The following CA10 variants were observed in gnomAD, a reference collection of about 807,000 sequenced individuals.
The protein encoded by CA10 is carbonic anhydrase-related protein 10.
In CA10, 14 loss-of-function variants were observed where a neutral mutation model predicts 44.2. The ratio of observed to expected loss-of-function variants is 0.32; its 90% CI spans 0.21 to 0.50. The LOEUF is 0.50. CA10 is among the 20% of genes least tolerant of loss of function. CA10 has a pLI of 0.99. For synonymous variants in CA10, 159 were observed against 141.6 expected (o/e 1.12, Z -0.87); for missense variants, 350 against 409.7 (o/e 0.85, Z 1.26).
At chr17:51,891,099 T>C (rs1239845847) in intron 3 of CA10, among the ~76,000 whole-genome samples, 1 of 152,132 alleles carries the variant, frequency 6.6e-6, no homozygotes, top group Non-Finnish European at 1.5e-5. Context: ...TGATTATCAG[T>C]GGTATTTAAA....
chr17:51,701,781 C>G (rs1221703040), intron 4 of CA10, among the ~76,000 whole-genome samples: 1 of 152,218 alleles, frequency 6.6e-6, no homozygotes. Context: ...ATCAAACTTT[C>G]TAGCTTGCAT....
intron 6 of CA10, among the ~76,000 whole-genome samples, chr17:51,643,717 A>G (rs921079956): frequency 6.6e-6 from 1 of 152,110 alleles, no homozygotes; most frequent in Non-Finnish European, 1.5e-5. Flanking sequence ...CTTCAACATA[A>G]TTTTTATTTG....
intron 4 of CA10, among the ~76,000 whole-genome samples, chr17:51,661,265 C>G (rs1206802676): frequency 6.6e-6 from 1 of 152,176 alleles, no homozygotes; most frequent in Non-Finnish European, 1.5e-5. Flanking sequence ...GCAATGCAGG[C>G]TGTCTATTGT....
chr17:51,699,268 A>G (rs1171606330), intron 4 of CA10, among the ~76,000 whole-genome samples: 1 of 151,778 alleles, frequency 6.6e-6, no homozygotes, highest in Non-Finnish European at 1.5e-5. Context: ...CCTTGCAGTG[A>G]GCCGAGATCA....
intron 2 of CA10, among the ~76,000 whole-genome samples, chr17:52,022,899 C>A (rs1986188531): frequency 6.6e-6 from 1 of 151,920 alleles, no homozygotes; most frequent in African/African-American, 2.4e-5. Flanking sequence ...TACATCTAGC[C>A]AAGGGGGTGA....
At chr17:51,656,698 C>A (rs1017346068) in intron 4 of CA10, among the ~76,000 whole-genome samples, 3 of 152,222 alleles carry the variant, frequency 2.0e-5, no homozygotes, top group African/African-American at 7.2e-5. Flanking sequence ...GCAGCCACAG[C>A]ATCTAGGAGC....
intron 1 of CA10, among the ~76,000 whole-genome samples, chr17:52,105,349 G>A (rs1375881089): frequency 1.3e-5 from 2 of 152,056 alleles, no homozygotes; most frequent in Admixed American, 1.3e-4. Context: ...CCGCCTCCCG[G>A]GTTCACACAA....
At chr17:51,747,291 G>A (rs1904721887) in intron 4 of CA10, among the ~76,000 whole-genome samples, 1 of 152,310 alleles carries the variant, frequency 6.6e-6, no homozygotes, top group Non-Finnish European at 1.5e-5. Flanking sequence ...GAGGCTGATC[G>A]CCCAGATAGG....
At chr17:51,852,339 A>G (rs912409542) in intron 3 of CA10, among the ~76,000 whole-genome samples, 6 of 152,206 alleles carry the variant, frequency 3.9e-5, no homozygotes, top group Non-Finnish European at 7.3e-5. Flanking sequence ...AGTGGAGGTG[A>G]TCAATTGCCA....
At chr17:51,890,470 C>G (rs972903629) in intron 3 of CA10, among the ~76,000 whole-genome samples, 1 of 152,204 alleles carries the variant, frequency 6.6e-6, no homozygotes, top group South Asian at 2.1e-4. Flanking sequence ...AGACCCTACC[C>G]TAGGTCTCCC....
At chr17:52,049,581 C>T (rs553972685) in intron 2 of CA10, among the ~76,000 whole-genome samples, 1 of 152,194 alleles carries the variant, frequency 6.6e-6, no homozygotes, top group East Asian at 1.9e-4. Context: ...TCTCCTAAAG[C>T]GTTGTCTTTT....
At chr17:51,689,112 C>A (rs1597986872) in intron 4 of CA10, among the ~76,000 whole-genome samples, 1 of 152,192 alleles carries the variant, frequency 6.6e-6, no homozygotes, top group Admixed American at 6.5e-5. Flanking sequence ...AGAAAGGGAG[C>A]ACCCTATGGA....
intron 2 of CA10, among the ~76,000 whole-genome samples, chr17:52,046,195 G>GA (rs989543196): frequency 1.8e-4 from 26 of 147,714 alleles, no homozygotes; most frequent in Admixed American, 4.7e-4. Context: ...CTAAAATAAA[G>GA]AAAAAGACAT....
intron 4 of CA10, among the ~76,000 whole-genome samples, chr17:51,688,397 A>G (rs930231387): frequency 2.0e-5 from 3 of 152,370 alleles, no homozygotes; most frequent in South Asian, 4.1e-4. Context: ...TAACATTCCA[A>G]AAATCTGGAG....
At chr17:52,078,038 A>G (rs1351552795) in intron 1 of CA10, among the ~76,000 whole-genome samples, 5 of 152,370 alleles carry the variant, frequency 3.3e-5, no homozygotes, top group East Asian at 1.9e-4. Context: ...CACACCAACA[A>G]GTCTTTGGAT....
chr17:51,662,988 G>A (rs1377951735), intron 4 of CA10, among the ~76,000 whole-genome samples: 1 of 152,136 alleles, frequency 6.6e-6, no homozygotes, highest in Non-Finnish European at 1.5e-5. Context: ...CTTGAGCCTA[G>A]TCAGATACCT....
intron 1 of CA10, among the ~76,000 whole-genome samples, chr17:52,153,381 G>T (rs1989742169): frequency 6.6e-6 from 1 of 152,150 alleles, no homozygotes; most frequent in Admixed American, 6.5e-5. Context: ...TATGTCGTTT[G>T]CCAGTGTTGA....
chr17:51,632,301 C>T (rs565419844), intron 8 of CA10, among the ~76,000 whole-genome samples: 1 of 152,306 alleles, frequency 6.6e-6, no homozygotes, highest in African/African-American at 2.4e-5. Context: ...ATGGTAGGAA[C>T]ACAATACAGG....
chr17:51,909,469 C>T (rs1168833331), intron 3 of CA10, among the ~76,000 whole-genome samples: 3 of 152,112 alleles, frequency 2.0e-5, no homozygotes, highest in Non-Finnish European at 4.4e-5. Context: ...GTGTCCTCTG[C>T]TCTTTTTTCG....
Sources: gnomAD v4.1 joint callset for allele counts (sites outside exome capture counted in the v4.1 genomes callset) on GRCh38, gnomAD v4.1.1 for gene constraint, MANE v1.5 for transcripts, NCBI Gene and HGNC (gene_info 2026-07-23, HGNC 2026-07-21) for gene names.